Variants in MED17 observed in about 807,000 individuals in gnomAD.
MED17 encodes the protein mediator of RNA polymerase II transcription subunit 17.
MED17 carries 49 observed loss-of-function variants against 80.8 expected under a neutral mutation model. That is an observed-to-expected ratio of 0.61 (90% CI 0.48 to 0.77). MED17 has a LOEUF of 0.77. Ranked by LOEUF, MED17 falls within the 30% of genes least tolerant of loss-of-function variation. MED17 has a pLI of 0.00. For missense variants in MED17, 718 were observed against 787.0 expected, an observed-to-expected ratio of 0.91 and a Z score of 1.05; for synonymous variants, 281 against 280.4, an observed-to-expected ratio of 1.00 and a Z score of -0.02.
chr11:93,790,548 C>T (rs569111609), intron 2 of MED17, 26 bp from the exon 3 acceptor site: 5 of 1,588,064 alleles, frequency 3.1e-6, no homozygotes, highest in Non-Finnish European at 4.3e-6. Context: ...TCCTGCAGAA[C>T]TGCATGTTTG....
intron 9 of MED17, among the ~76,000 whole-genome samples, chr11:93,805,544 G>C (rs1944014194): frequency 6.6e-6 from 1 of 152,120 alleles, no homozygotes; most frequent in African/African-American, 2.4e-5. Flanking sequence ...TTGTGCCACT[G>C]CCCTCCAGCC....
In MED17 at chr11:93,793,955, C is replaced by T; in HGVS notation, c.779C>T (p.Ser260Leu). The T allele has an allele frequency of 6.2e-7, 1 of 1,613,854 alleles. No homozygotes were observed. Among genetic ancestry groups the T allele is most frequent in the East Asian group, 2.2e-5 (1 of 44,830 alleles). ...DLEGSAYIKV[S>L]IQKQAPDIGD... ...TTTGTTTTTGTTGTCATATAGGTTTCAATACAAAAACAGGCTCCAGATATA... is the reference window on the plus strand; with the variant it reads ...TTTGTTTTTGTTGTCATATAGGTTTTAATACAAAAACAGGCTCCAGATATA... Residue 260 changes from serine to leucine, a missense_variant, in exon 5 of 12, where the codon TCA becomes TTA. By Grantham distance (145) the Ser-to-Leu change is moderately radical. Coordinates refer to ENST00000251871, the MANE Select transcript of MED17 (RefSeq NM_004268.5).
chr11:93,797,642 A>G lies in MED17; in HGVS notation c.1251A>G (p.Glu417=). ...GTCCTCAAGCTTTTGATAAAAATGA[A>G]ATTAATTCATTACAGTCCAGTGAAG... ...LSGPQAFDKN[E]INSLQSSEGL... The change falls in exon 8 of 12, where the codon GAA becomes GAG. Residue 417 remains glutamate (E), a synonymous_variant. Coordinates refer to ENST00000251871, the MANE Select transcript of MED17 (RefSeq NM_004268.5). 3 of 1,614,012 alleles carry G rather than the reference A, an allele frequency of 1.9e-6. No homozygotes were observed. The highest frequency in any genetic ancestry group is 2.5e-6 in the Non-Finnish European group (3 of 1,179,866).
intron 2 of MED17, chr11:93,789,797 A>G (rs1439654178): frequency 3.0e-4 from 1 of 3,360 alleles, no homozygotes. Context: ...TGTCTCTACC[A>G]AAAAAAAAAA....
At chr11:93,789,736 A>G (rs1429225431) in intron 2 of MED17, 1 of 151,998 alleles carries the variant, frequency 6.6e-6, no homozygotes, top group Non-Finnish European at 1.5e-5. Flanking sequence ...TTGGGGAACC[A>G]AAGCAGGAAG....
At position 93,784,720 on chromosome 11, in the gene MED17, G is replaced by C. The variant is rs2848477; in HGVS notation, c.207G>C (p.Glu69Asp). Residue 69 changes from glutamate (E) to aspartate (D), a missense_variant, in exon 1 of 12, where the codon GAG becomes GAC. Transcript: ENST00000251871. ...EAAGTEGDAQ[E>D]WPGAGSSADQ... is the part of the protein sequence containing the mutation. The stretch of plus-strand genomic sequence containing the variant: ...CGGGGACCGAGGGCGACGCGCAGGA[G>C]TGGCCGGGCGCCGGGTCCAGCGCAG... 959,134 of 1,546,188 alleles carry C rather than the reference G, an allele frequency of 0.62. 302,643 individuals are homozygous for C. The highest frequency in any genetic ancestry group is 0.76 in the East Asian group (31,619 of 41,530).
At chr11:93,787,331 T>C (rs561522207) in intron 1 of MED17, among the ~76,000 whole-genome samples, 156 of 152,030 alleles carry the variant, frequency 1.0e-3, no homozygotes, top group African/African-American at 3.5e-3. Flanking sequence ...GAGAATGGCA[T>C]GAATCCGGGA....
chr11:93,791,905 C>T (rs1312617706), intron 3 of MED17, among the ~76,000 whole-genome samples: 2 of 152,082 alleles, frequency 1.3e-5, no homozygotes, highest in Non-Finnish European at 2.9e-5. Flanking sequence ...TTCCTTTTTC[C>T]CACCAAACTA....
chr11:93,796,029 C>T (rs1943896571), intron 6 of MED17: 1 of 271,678 alleles, frequency 3.7e-6, no homozygotes, highest in Admixed American at 5.0e-5. Flanking sequence ...CTCACTGCAA[C>T]CTGTCCACTT....
At position 93,791,311 on chromosome 11, in the gene MED17, T is replaced by C. The variant is rs193017969; in HGVS notation, c.637+518T>C. 2.6e-3 allele frequency among the ~76,000 whole-genome samples: 401 copies of C among 152,286 alleles called. 1 individual carries two copies. Among genetic ancestry groups the C allele is most frequent in the African/African-American group, 9.3e-3 (386 of 41,550 alleles). ...GTACACTTAACAGAAAGTTCAAAGA[T>C]GGGGTTTATGTGCTGACACACCTTG... is the stretch of plus-strand genomic sequence containing the variant. On this transcript the variant is annotated intron_variant, in intron 3 of 11. Coordinates refer to ENST00000251871, the MANE Select transcript of MED17 (RefSeq NM_004268.5).
intron 3 of MED17, among the ~76,000 whole-genome samples, chr11:93,791,428 G>T (rs1014582984): frequency 2.0e-5 from 3 of 152,094 alleles, no homozygotes; most frequent in African/African-American, 7.2e-5. Context: ...AACATGGCGG[G>T]GTGCAGTGGC....
Position 93,784,467 on chromosome 11 carries a change from T to C in MED17, c.-47T>C, listed in dbSNP as rs1040087064. ...GGGAAGCCTCCTCTTCGTACCTCGT[T>C]TTTTGGCTCGTGGGGGGTCCTCCCA... On this transcript the variant is annotated 5_prime_UTR_variant, in exon 1 of 12. Coordinates refer to ENST00000251871, the MANE Select transcript of MED17 (RefSeq NM_004268.5). The C allele has an allele frequency of 1.3e-6, 2 of 1,562,750 alleles. No individual in the cohort carries two copies. The highest frequency in any genetic ancestry group is 1.7e-6 in the Non-Finnish European group (2 of 1,154,164).
intron 9 of MED17, among the ~76,000 whole-genome samples, chr11:93,803,980 T>A (rs3016286): frequency 1.4e-5 from 2 of 141,902 alleles, no homozygotes; most frequent in African/African-American, 2.7e-5. Context: ...TATGTGTGTG[T>A]GTGTGTATAT....
chr11:93,797,135 A>G (rs16919386), intron 7 of MED17: 3,463 of 222,356 alleles, frequency 0.016, 123 homozygotes, highest in African/African-American at 0.074. Flanking sequence ...TACTGATTGC[A>G]TGCGTTCTAT....
chr11:93,800,022 A>G (rs1483587483), intron 8 of MED17, among the ~76,000 whole-genome samples: 1 of 152,190 alleles, frequency 6.6e-6, no homozygotes, highest in Non-Finnish European at 1.5e-5. Context: ...ATAGCTGTAT[A>G]ATATCCTATA....
intron 1 of MED17, among the ~76,000 whole-genome samples, chr11:93,787,126 C>T (rs1231627368): frequency 6.6e-6 from 1 of 152,078 alleles, no homozygotes; most frequent in South Asian, 2.1e-4. Flanking sequence ...AGGGTACACT[C>T]ACTGGGGCCG....
In MED17 at chr11:93,806,283, TA is replaced by T. The variant is rs1488148200; in HGVS notation, c.1467-1234del. The T allele has an allele frequency of 2.0e-5, 3 of 152,172 alleles. No individual in the cohort carries two copies. In the East Asian group the frequency reaches 5.8e-4, roughly 29 times the overall value. 9.4% of individuals were successfully genotyped at this position (152,172 alleles called of 1,614,324 possible). A position where few individuals can be genotyped will look rare whatever the true frequency, so the allele number is the denominator to read the frequency against. On this transcript the variant is annotated intron_variant, in intron 9 of 11. Transcript: ENST00000251871. ...ACTGTGCCCAGCCTTTATTTTTTTT[TA>T]TTACAATTTTATGTAGACAATCACT...
intron 9 of MED17, chr11:93,806,302 C>T (rs1944025243): frequency 6.6e-6 from 1 of 152,060 alleles, no homozygotes; most frequent in African/African-American, 2.4e-5. Flanking sequence ...TTTATGTAGA[C>T]AATCACTAAA....
At chr11:93,794,155 T>A in intron 5 of MED17, 120 bp downstream of exon 5, 1 of 795,630 alleles carries the variant, frequency 1.3e-6, no homozygotes, top group Non-Finnish European at 2.1e-6. Flanking sequence ...ATTCAAAATA[T>A]ACTTCTAAAA....
Sources: gnomAD v4.1 joint callset for allele counts (sites outside exome capture counted in the v4.1 genomes callset) on GRCh38, gnomAD v4.1.1 for gene constraint, MANE v1.5 for transcripts, NCBI Gene and HGNC (gene_info 2026-07-23, HGNC 2026-07-21) for gene names.